The following MUC12 variants were observed in gnomAD, a reference collection of about 807,000 sequenced individuals.
MUC12 encodes mucin 12, cell surface associated.
A neutral mutation model predicts 230.8 loss-of-function variants in MUC12; 172 were observed. The ratio of observed to expected loss-of-function variants is 0.75; its 90% CI spans 0.66 to 0.85. The LOEUF (loss-of-function observed/expected upper bound fraction) is 0.85. Among genes scored for constraint, MUC12 ranks in the 40% least tolerant of loss-of-function variants. The pLI, the probability that MUC12 is intolerant of heterozygous loss-of-function variation, is 0.00. For missense variants in MUC12, 3,506 were observed against 5,920.6 expected, an observed-to-expected ratio of 0.59 and a Z score of 13.38; for synonymous variants, 1,259 against 2,401.9, an observed-to-expected ratio of 0.52 and a Z score of 13.91.
chr7:100,984,448 G>C (rs1324313069), intron 1 of MUC12, among the ~76,000 whole-genome samples: 2 of 152,020 alleles, frequency 1.3e-5, no homozygotes, highest in East Asian at 3.9e-4. Context: ...GTAGAAACAA[G>C]GTTTCACCAC....
At chr7:100,970,655 C>T (rs1023812492) in intron 1 of MUC12, among the ~76,000 whole-genome samples, 8 of 152,036 alleles carry the variant, frequency 5.3e-5, no homozygotes, top group Admixed American at 3.9e-4. Context: ...AGGCAGATCA[C>T]GAGGTCAGGA....
intron 1 of MUC12, chr7:100,973,169 G>T (rs780079389): frequency 1.3e-4 from 81 of 618,350 alleles, no homozygotes; most frequent in Non-Finnish European, 1.5e-4. Flanking sequence ...AGAGGCCATT[G>T]AGAGGCACCC....
chr7:100,983,073 A>G (rs906747275), intron 1 of MUC12, among the ~76,000 whole-genome samples: 1 of 151,902 alleles, frequency 6.6e-6, no homozygotes, highest in African/African-American at 2.4e-5. Flanking sequence ...TCTATGTTAT[A>G]ATCTGAGTGA....
Position 101,012,993 on chromosome 7 carries a change from G to A in MUC12, c.15489G>A (p.Gln5163=). 1 of 1,537,336 alleles carries A rather than the reference G, an allele frequency of 6.5e-7. No individual in the cohort carries two copies. Among genetic ancestry groups the A allele is most frequent in the Non-Finnish European group, 8.7e-7 (1 of 1,146,944 alleles). Residue 5163 remains glutamine (Q), a synonymous_variant, in exon 8 of 12, where the codon CAG becomes CAA. Transcript: ENST00000536621. ...CCTCTCCCTCAGAGCAATGCACCCA[G>A]AAGGCTGCCGAAGGATATACCCAGT... is the stretch of plus-strand genomic sequence containing the variant. ...PGFDFQEQCT[Q]KAAEGYTQFY... is the part of the protein sequence containing the mutation.
intron 5 of MUC12, among the ~76,000 whole-genome samples, chr7:101,010,373 C>T (rs919807659): frequency 6.6e-6 from 1 of 152,066 alleles, no homozygotes; most frequent in East Asian, 1.9e-4. Context: ...GTCTCGCTCT[C>T]TTGCCCAGGC....
At chr7:100,980,720 T>G (rs777310928) in intron 1 of MUC12, among the ~76,000 whole-genome samples, 47 of 152,052 alleles carry the variant, frequency 3.1e-4, no homozygotes, top group Non-Finnish European at 6.2e-4. Flanking sequence ...GGTTGGGAGT[T>G]GAGACTAGCC....
intron 1 of MUC12, among the ~76,000 whole-genome samples, chr7:100,977,214 C>T (rs1421677660): frequency 6.6e-6 from 1 of 152,058 alleles, no homozygotes; most frequent in East Asian, 1.9e-4. Context: ...TTCCCTAGGT[C>T]TGCCACAATA....
chr7:101,013,266 G>A (rs1793864648), intron 8 of MUC12, 124 bp downstream of exon 8: 1 of 1,026,856 alleles, frequency 9.7e-7, no homozygotes, highest in Non-Finnish European at 1.4e-6. Flanking sequence ...CCCCACTCCT[G>A]GACATACCTC....
chr7:100,983,422 A>T (rs976122409), intron 1 of MUC12, among the ~76,000 whole-genome samples: 1 of 152,060 alleles, frequency 6.6e-6, no homozygotes, highest in African/African-American at 2.4e-5. Flanking sequence ...TCCGTTAAAA[A>T]AAAAAAAAAA....
At chr7:101,015,536 G>T in intron 9 of MUC12, 79 bp from the exon 10 acceptor site, 1 of 1,251,406 alleles carries the variant, frequency 8.0e-7, no homozygotes, top group South Asian at 1.3e-5. Flanking sequence ...GTCCCCTCGA[G>T]GGAAGCTGAA....
intron 1 of MUC12, among the ~76,000 whole-genome samples, chr7:100,976,057 C>T (rs556371103): frequency 5.2e-5 from 8 of 152,406 alleles, no homozygotes; most frequent in Non-Finnish European, 8.8e-5. Context: ...TTTGGGAGAC[C>T]GAGGTGGGAG....
intron 11 of MUC12, 59 bp from the exon 12 acceptor site, chr7:101,018,536 G>A: frequency 1.3e-6 from 2 of 1,514,776 alleles, no homozygotes; most frequent in Non-Finnish European, 1.8e-6. Context: ...TCTTCCTCCT[G>A]GGGCTCCCCC....
chr7:100,977,736 AT>A (rs879314772), intron 1 of MUC12, among the ~76,000 whole-genome samples: 8 of 148,576 alleles, frequency 5.4e-5, no homozygotes, highest in Non-Finnish European at 8.9e-5. Flanking sequence ...TAATTTTTGT[AT>A]TTTTTTTTCT....
At chr7:100,972,345 G>T (rs1284786437) in intron 1 of MUC12, among the ~76,000 whole-genome samples, 1 of 152,062 alleles carries the variant, frequency 6.6e-6, no homozygotes, top group African/African-American at 2.4e-5. Flanking sequence ...CTCTGCACCC[G>T]CGCCTCTCCT....
Position 101,004,755 on chromosome 7 carries a change from C to A in MUC12, c.14192C>A (p.Thr4731Lys). Residue 4731 changes from threonine (T) to lysine (K), a missense_variant, in exon 2 of 12, where the codon ACA becomes AAA. Transcript: ENST00000536621. The stretch of plus-strand genomic sequence containing the variant: ...ACAACATTAGCCAGCACTGCCACAA[C>A]ACCAGGCCTCAGTGCAAAATCTACC... ...METTLASTATTPGLSAKSTIL... is the reference protein window; with the variant it reads ...METTLASTATKPGLSAKSTIL... 6.5e-7 allele frequency: 1 copy of A among 1,536,980 alleles called. No individual in the cohort carries two copies. The highest frequency in any genetic ancestry group is 8.7e-7 in the Non-Finnish European group (1 of 1,146,352).
intron 1 of MUC12, chr7:100,972,829 A>G: frequency 1.5e-6 from 1 of 679,810 alleles, no homozygotes; most frequent in Non-Finnish European, 2.7e-6. Context: ...TTTTCTTCCT[A>G]CTCTCTGCAC....
At chr7:101,017,412 T>C (rs1793948583) in intron 10 of MUC12, 163 bp from the exon 11 acceptor site, 3 of 594,526 alleles carry the variant, frequency 5.0e-6, no homozygotes, top group Non-Finnish European at 9.0e-6. Context: ...GCTCTGCACT[T>C]ACCCGCAGCC....
Position 100,991,388 on chromosome 7 carries a change from T to A in MUC12, c.825T>A (p.Pro275=). 1 of 1,537,756 alleles carries A rather than the reference T, an allele frequency of 6.5e-7. No homozygotes were observed. The highest frequency in any genetic ancestry group is 2.4e-5 in the East Asian group (1 of 40,908). Residue 275 remains proline (P), a synonymous_variant, in exon 2 of 12, where the codon CCT becomes CCA. Transcript: ENST00000536621. ...PSSSTTHEGE[P]TTFQSWPSSK... ...GCTCTACAACCCATGAGGGAGAACC[T>A]ACCACCTTCCAGAGCTGGCCAAGCT...
rs773904899 is a variant in MUC12 at position 100,991,216 on chromosome 7, G to A, written c.653G>A (p.Gly218Asp). Residue 218 changes from glycine to aspartate, a missense_variant, in exon 2 of 12, where the codon GGT (glycine) becomes GAT (aspartate). Physicochemically the swap from Gly to Asp is moderately conservative, Grantham distance 94. Transcript: ENST00000536621. ...SPGTTTPSSLGPESTTFHSSP... is the reference protein window; with the variant it reads ...SPGTTTPSSLDPESTTFHSSP... ...GGCACTACCACACCATCATCCCTTGGTCCAGAATCTACTACCTTCCACAGC... is the reference window on the plus strand; with the variant it reads ...GGCACTACCACACCATCATCCCTTGATCCAGAATCTACTACCTTCCACAGC... The A allele has an allele frequency of 2.6e-6, 4 of 1,537,300 alleles. No homozygotes were observed. The highest frequency in any genetic ancestry group is 1.2e-5 in the South Asian group (1 of 84,010).
Sources: allele counts gnomAD v4.1 joint callset (sites outside exome capture counted in the v4.1 genomes callset), GRCh38; gene constraint gnomAD v4.1.1; transcripts MANE v1.5; gene names NCBI Gene and HGNC (gene_info 2026-07-23, HGNC 2026-07-21).